The following TMEM255A variants were observed in gnomAD, a reference collection of about 807,000 sequenced individuals.
TMEM255A encodes transmembrane protein 255A.
Under a neutral mutation model 23.5 loss-of-function variants are expected in TMEM255A, and 14 were observed. That is an observed-to-expected ratio of 0.60 (90% confidence interval 0.39 to 0.93). The LOEUF is 0.93. TMEM255A is among the 40% of genes least tolerant of loss of function. The probability of loss-of-function intolerance (pLI) is 0.00; values close to 1 mark genes in which losing one functional copy is unlikely to be tolerated. For synonymous variants in TMEM255A, 104 were observed against 100.3 expected (o/e 1.04, Z -0.22); for missense variants, 233 against 261.7 (o/e 0.89, Z 0.76).
In TMEM255A at chrX:120,304,593, G is replaced by A. The variant is rs140782150; in HGVS notation, c.59-102C>T. 5.8e-3 allele frequency: 5,088 copies of A among 875,788 alleles called. 172 individuals carry two copies. The African/African-American group carries it at 0.092, about 16-fold the overall frequency. 72.2% of individuals were successfully genotyped at this position (875,788 alleles called of 1,213,427 possible). A position where few individuals can be genotyped will look rare whatever the true frequency, so the allele number is the denominator to read the frequency against. Reference sequence around the variant, plus strand: ...AGGTTTTCCTTTCCTATTCCTACCGGTAACTGAAGTTATCTTTGGTGGTGA... The same window carrying A: ...AGGTTTTCCTTTCCTATTCCTACCGATAACTGAAGTTATCTTTGGTGGTGA... On this transcript the variant is annotated intron_variant, in intron 1 of 8. Transcript: ENST00000371369.
At chrX:120,256,960 T>C (rs2057642260), downstream of TMEM255A, 1 of 123,005 alleles carries the variant, frequency 8.1e-6, no homozygotes, top group African/African-American at 3.3e-5. Flanking sequence ...CTTAAAGCTT[T>C]AATCATAATT....
chrX:120,266,184 A>C (rs1380794044), intron 8 of TMEM255A, among the ~76,000 whole-genome samples: 1 of 109,112 alleles, frequency 9.2e-6, no homozygotes, highest in East Asian at 2.8e-4. Flanking sequence ...GGCTTCTAAC[A>C]ATCCCCAAAG....
At chrX:120,279,432 A>T (rs782430490) in intron 6 of TMEM255A, among the ~76,000 whole-genome samples, 2 of 112,442 alleles carry the variant, frequency 1.8e-5, no homozygotes, top group East Asian at 5.6e-4. Context: ...GGATGCACAG[A>T]TTATTTACTG....
chrX:120,271,371 C>A (rs1391897074), intron 7 of TMEM255A, among the ~76,000 whole-genome samples: 3 of 111,575 alleles, frequency 2.7e-5, no homozygotes, highest in Non-Finnish European at 5.6e-5. Flanking sequence ...CCCCTCTTGG[C>A]CTGTTTCCTC....
intron 6 of TMEM255A, among the ~76,000 whole-genome samples, chrX:120,283,222 G>A (rs1350078851): frequency 9.0e-6 from 1 of 111,284 alleles, no homozygotes; most frequent in Non-Finnish European, 1.9e-5. Flanking sequence ...AAGGAGGGAA[G>A]TCCTTTACAA....
At chrX:120,286,940 G>A (rs2057879509) in intron 5 of TMEM255A, among the ~76,000 whole-genome samples, 1 of 111,571 alleles carries the variant, frequency 9.0e-6, no homozygotes, top group East Asian at 2.8e-4. Context: ...GTCAGCCTGT[G>A]GCCACAGAAC....
chrX:120,287,908 G>T (rs1288282636), intron 4 of TMEM255A, among the ~76,000 whole-genome samples: 1 of 111,732 alleles, frequency 8.9e-6, no homozygotes, highest in Admixed American at 9.4e-5. Context: ...CCAGCTTCCT[G>T]ATGAGAGAGA....
downstream of TMEM255A, chrX:120,254,595 A>G (rs1556015012): frequency 9.1e-6 from 11 of 1,210,153 alleles, no homozygotes; most frequent in East Asian, 3.3e-4. Flanking sequence ...AATTTCAGAT[A>G]TAATTACTAG....
At chrX:120,290,731 C>T (rs367567048) in intron 4 of TMEM255A, among the ~76,000 whole-genome samples, 3 of 111,811 alleles carry the variant, frequency 2.7e-5, no homozygotes, top group Admixed American at 9.4e-5. Flanking sequence ...ATTTATATTC[C>T]TGGTCCTGAA....
chrX:120,285,924 C>T lies in TMEM255A; in HGVS notation c.424-709G>A, dbSNP rs782436665. The T allele has an allele frequency of 8.5e-6, 10 of 1,169,994 alleles. No individual in the cohort carries two copies. The African/African-American group carries it at 1.4e-4, about 17-fold the overall frequency. ...GCAAGAAATTGTCCAGCTCTCTCCC[C>T]CATCCAGATGCAATGAAGTGCTGCT... On this transcript the variant is annotated intron_variant, in intron 5 of 8. Transcript: ENST00000371369.
At chrX:120,268,188 G>A in intron 8 of TMEM255A, 56 bp downstream of exon 8, 3 of 1,131,795 alleles carry the variant, frequency 2.7e-6, no homozygotes, top group Non-Finnish European at 3.5e-6. Context: ...GAGAGAACAA[G>A]AGAGCATGAG....
At chrX:120,297,012 T>A (rs868951895) in intron 2 of TMEM255A, among the ~76,000 whole-genome samples, 1 of 3,644 alleles carries the variant, frequency 2.7e-4, no homozygotes, top group African/African-American at 1.7e-3. Context: ...TATATAATAT[T>A]ATATATATTA....
At chrX:120,298,612 T>C (rs781990733) in intron 2 of TMEM255A, among the ~76,000 whole-genome samples, 3 of 111,112 alleles carry the variant, frequency 2.7e-5, no homozygotes, top group Admixed American at 9.6e-5. Flanking sequence ...GGTATATGTA[T>C]TGTATAATTT....
intron 5 of TMEM255A, chrX:120,285,551 G>A: frequency 8.5e-7 from 1 of 1,183,205 alleles, no homozygotes; most frequent in East Asian, 3.0e-5. Context: ...CAAAATCAGG[G>A]TACAGGAGGA....
chrX:120,285,359 G>T, intron 5 of TMEM255A, 144 bp from the exon 6 acceptor site: 2 of 640,902 alleles, frequency 3.1e-6, no homozygotes, highest in Non-Finnish European at 5.1e-6. Context: ...GGATGGGGCT[G>T]GATGGGGAGC....
intron 8 of TMEM255A, among the ~76,000 whole-genome samples, chrX:120,265,123 G>A (rs904672423): frequency 4.5e-5 from 5 of 111,540 alleles, no homozygotes; most frequent in African/African-American, 6.5e-5. Context: ...GTGATCGCCC[G>A]CCTTGGCCTC....
At chrX:120,287,969 G>T (rs1362336186) in intron 4 of TMEM255A, among the ~76,000 whole-genome samples, 1 of 111,389 alleles carries the variant, frequency 9.0e-6, no homozygotes, top group African/African-American at 3.3e-5. Context: ...AGCCAGGGCT[G>T]CCTGGAAGCT....
At chrX:120,307,803 TGA>T (rs782032759) in intron 1 of TMEM255A, among the ~76,000 whole-genome samples, 1 of 112,065 alleles carries the variant, frequency 8.9e-6, no homozygotes, top group Admixed American at 9.4e-5. Context: ...CCAACAGCAG[TGA>T]GAGAGTCTGA....
At chrX:120,284,298 G>A (rs1261454516) in intron 6 of TMEM255A, among the ~76,000 whole-genome samples, 1 of 112,298 alleles carries the variant, frequency 8.9e-6, no homozygotes, top group East Asian at 2.8e-4. Flanking sequence ...GGATGTTTTA[G>A]CAATTTGGAG....
Sources: gnomAD v4.1 joint callset for allele counts (sites outside exome capture counted in the v4.1 genomes callset) on GRCh38, gnomAD v4.1.1 for gene constraint, MANE v1.5 for transcripts, NCBI Gene and HGNC (gene_info 2026-07-23, HGNC 2026-07-21) for gene names.